The following ZC3HAV1 variants were observed in gnomAD, a reference collection of about 807,000 sequenced individuals.
ZC3HAV1 encodes zinc finger CCCH-type antiviral protein 1.
In ZC3HAV1, 41 loss-of-function variants were observed where a neutral mutation model predicts 86.6. The ratio of observed to expected loss-of-function variants is 0.47; its 90% CI spans 0.37 to 0.61. The LOEUF is 0.61. Among genes scored for constraint, ZC3HAV1 ranks in the 20% least tolerant of loss-of-function variants. The pLI, the probability that ZC3HAV1 is intolerant of heterozygous loss-of-function variation, is 0.00. For missense variants in ZC3HAV1, 964 were observed against 1,141.1 expected (o/e 0.84, Z 2.24); for synonymous variants, 421 against 432.1 (o/e 0.97, Z 0.32).
At chr7:139,050,226 C>G (rs1245589134) in intron 12 of ZC3HAV1, among the ~76,000 whole-genome samples, 1 of 151,826 alleles carries the variant, frequency 6.6e-6, no homozygotes, top group Non-Finnish European at 1.5e-5. Context: ...TAGTTTGATG[C>G]TATCTCATTT....
chr7:139,076,200 T>C (rs1816938105), intron 6 of ZC3HAV1, 86 bp downstream of exon 6: 3 of 1,565,382 alleles, frequency 1.9e-6, no homozygotes, highest in Non-Finnish European at 8.7e-7. Flanking sequence ...GAAAAGTGTT[T>C]TTTTCTTTTT....
chr7:139,084,873 C>T (rs1006512288), intron 2 of ZC3HAV1, among the ~76,000 whole-genome samples: 3 of 152,188 alleles, frequency 2.0e-5, no homozygotes, highest in African/African-American at 4.8e-5. Context: ...TGAGTCACTT[C>T]GATAGACTCT....
intron 1 of ZC3HAV1, among the ~76,000 whole-genome samples, chr7:139,096,949 A>ATGATGAAAACT (rs71520044): frequency 6.6e-6 from 1 of 151,576 alleles, no homozygotes; most frequent in South Asian, 2.1e-4. Flanking sequence ...CCGGGGCAAC[A>ATGATGAAAACT]TGTCTCTATT....
At chr7:139,072,644 C>T (rs1423566422) in intron 7 of ZC3HAV1, among the ~76,000 whole-genome samples, 3 of 152,138 alleles carry the variant, frequency 2.0e-5, no homozygotes, top group African/African-American at 7.2e-5. Flanking sequence ...AGAGGCTCTG[C>T]TCACCTAAAC....
chr7:139,107,920 A>G (rs1447764893), intron 1 of ZC3HAV1, among the ~76,000 whole-genome samples: 1 of 152,250 alleles, frequency 6.6e-6, no homozygotes, highest in East Asian at 1.9e-4. Context: ...AAGACTGGCC[A>G]TTCATTAATT....
At chr7:139,076,212 C>G (rs566859861) in intron 6 of ZC3HAV1, 74 bp downstream of exon 6, 2 of 1,581,730 alleles carry the variant, frequency 1.3e-6, no homozygotes, top group South Asian at 1.1e-5. Flanking sequence ...TTTCTTTTTC[C>G]CCTGAGCCTA....
intron 3 of ZC3HAV1, among the ~76,000 whole-genome samples, chr7:139,083,021 G>A (rs1246298641): frequency 6.6e-6 from 1 of 152,124 alleles, no homozygotes; most frequent in Non-Finnish European, 1.5e-5. Context: ...ATATTCAGGT[G>A]TGAAATGTCA....
intron 9 of ZC3HAV1, among the ~76,000 whole-genome samples, chr7:139,058,609 A>C (rs912175627): frequency 1.4e-4 from 21 of 152,150 alleles, no homozygotes; most frequent in Admixed American, 9.2e-4. Context: ...ACTATAAGGG[A>C]ATCTCGAGTG....
At chr7:139,050,021 G>A (rs1037255799) in intron 12 of ZC3HAV1, 16 of 162,490 alleles carry the variant, frequency 9.8e-5, no homozygotes, top group South Asian at 7.0e-4. Context: ...ACAGATCACC[G>A]CAGGCCACTT....
intron 11 of ZC3HAV1, 116 bp from the exon 12 acceptor site, chr7:139,053,697 A>G (rs1485658106): frequency 2.2e-6 from 3 of 1,354,580 alleles, no homozygotes; most frequent in East Asian, 4.9e-5. Context: ...AGCTTTCACA[A>G]CGGAGCTACT....
chr7:139,101,184 G>A (rs1460840630), intron 1 of ZC3HAV1, among the ~76,000 whole-genome samples: 2 of 151,896 alleles, frequency 1.3e-5, no homozygotes, highest in Non-Finnish European at 2.9e-5. Flanking sequence ...GTGTGATCTC[G>A]GCTAGCTACA....
intron 9 of ZC3HAV1, among the ~76,000 whole-genome samples, chr7:139,058,609 A>G (rs912175627): frequency 6.6e-6 from 1 of 152,268 alleles, no homozygotes; most frequent in East Asian, 1.9e-4. Flanking sequence ...ACTATAAGGG[A>G]ATCTCGAGTG....
At chr7:139,104,928 G>C (rs1465226552) in intron 1 of ZC3HAV1, among the ~76,000 whole-genome samples, 2 of 148,380 alleles carry the variant, frequency 1.3e-5, no homozygotes, top group Admixed American at 6.8e-5. Context: ...AGCTACTCGG[G>C]AGGCTGAGGC....
intron 9 of ZC3HAV1, chr7:139,060,709 CAA>C: frequency 1.1e-6 from 1 of 923,432 alleles, no homozygotes; most frequent in South Asian, 3.4e-5. Context: ...CACAGCAAAA[CAA>C]AAACCCAGTA....
intron 1 of ZC3HAV1, among the ~76,000 whole-genome samples, chr7:139,097,818 G>A (rs1368218494): frequency 6.6e-6 from 1 of 151,926 alleles, no homozygotes; most frequent in African/African-American, 2.4e-5. Context: ...AGGAGTGGGG[G>A]GACTCCCTGG....
intron 1 of ZC3HAV1, among the ~76,000 whole-genome samples, chr7:139,093,643 A>G (rs549630677): frequency 6.6e-6 from 1 of 151,914 alleles, no homozygotes; most frequent in Non-Finnish European, 1.5e-5. Flanking sequence ...CCAGAGAACA[A>G]CCCCCTTTGA....
chr7:139,108,902 G>A lies in ZC3HAV1; in HGVS notation c.308+122C>T. The A allele has an allele frequency of 7.8e-7, 1 of 1,279,142 alleles. No homozygotes were observed. The allele number at this position is 1,279,142 out of a possible 1,614,324, so 79.2% of individuals were successfully genotyped here. ...AGGGGAGCAGAGAAGGGAGTGGCTG[G>A]AGGCGGAGGCTGTCAGGTGCGGGGT... On this transcript the variant is annotated intron_variant, in intron 1 of 12. Transcript: ENST00000242351. This position sits in a 1 kb window ranked among gnomAD's most constrained non-coding sequence, Gnocchi z 4.2.
At chr7:139,076,451 G>T (rs367809986) in intron 5 of ZC3HAV1, 42 bp from the exon 6 acceptor site, 18 of 1,609,616 alleles carry the variant, frequency 1.1e-5, no homozygotes, top group Non-Finnish European at 1.5e-5. Context: ...GTTGAGCAGG[G>T]ATTCTAACCA....
At chr7:139,092,649 C>A (rs1817468560) in intron 1 of ZC3HAV1, among the ~76,000 whole-genome samples, 1 of 152,200 alleles carries the variant, frequency 6.6e-6, no homozygotes, top group Non-Finnish European at 1.5e-5. Context: ...AATGGGGAGC[C>A]CTCTGCCTGG....
Sources: allele counts gnomAD v4.1 joint callset (sites outside exome capture counted in the v4.1 genomes callset), GRCh38; gene constraint gnomAD v4.1.1; non-coding constraint Gnocchi (gnomAD v3.1); transcripts MANE v1.5; gene names NCBI Gene and HGNC (gene_info 2026-07-23, HGNC 2026-07-21).